Variants in ACSS1 observed in about 807,000 individuals in gnomAD.
The protein encoded by ACSS1 is acetyl-coenzyme A synthetase 2-like, mitochondrial.
A neutral mutation model predicts 75.3 loss-of-function variants in ACSS1; 42 were observed. That is an observed-to-expected ratio of 0.56 (90% confidence interval 0.44 to 0.72). The LOEUF is 0.72. Ranked by LOEUF, ACSS1 falls within the 30% of genes least tolerant of loss-of-function variation. The pLI is 0.00. For synonymous variants in ACSS1, 380 were observed against 376.8 expected (o/e 1.01, Z -0.10); for missense variants, 782 against 935.7 (o/e 0.84, Z 2.14).
rs1348955867 is a variant in ACSS1 at position 25,006,406 on chromosome 20, T to A, written c.*1356A>T. 1 of 168,156 alleles carries A rather than the reference T, an allele frequency of 5.9e-6. No individual in the cohort carries two copies. The highest frequency in any genetic ancestry group is 1.3e-5 in the Non-Finnish European group (1 of 77,218). 10.4% of individuals were successfully genotyped at this position (168,156 alleles called of 1,614,324 possible). A position where few individuals can be genotyped will look rare whatever the true frequency, so the allele number is the denominator to read the frequency against. ...CAGGGCACAGCTTTGTTGCTAAGCC[T>A]GTAACAAAAGACCACCACTCAGTAT... On this transcript the variant is annotated 3_prime_UTR_variant, in exon 14 of 14. Transcript: ENST00000323482.
chr20:25,013,299 C>T (rs2088449218), intron 10 of ACSS1, among the ~76,000 whole-genome samples: 1 of 152,196 alleles, frequency 6.6e-6, no homozygotes, highest in African/African-American at 2.4e-5. Flanking sequence ...TTCACACCCA[C>T]ACCTAAGTAG....
intron 5 of ACSS1, among the ~76,000 whole-genome samples, chr20:25,022,559 G>A (rs980466805): frequency 9.9e-5 from 15 of 152,194 alleles, no homozygotes; most frequent in African/African-American, 3.1e-4. Flanking sequence ...CTGAGAAACC[G>A]GTGGCCTTCC....
intron 1 of ACSS1, among the ~76,000 whole-genome samples, chr20:25,049,474 G>A (rs1056732561): frequency 3.3e-5 from 5 of 152,176 alleles, no homozygotes; most frequent in Non-Finnish European, 7.3e-5. Context: ...GAACACTGAG[G>A]GAAATGCCAG....
At position 25,023,105 on chromosome 20, in the gene ACSS1, A is replaced by G; in HGVS notation, c.808-13T>C. On this transcript the variant is annotated splice_polypyrimidine_tract_variant and intron_variant, in intron 4 of 13. Coordinates refer to ENST00000323482, the MANE Select transcript of ACSS1 (RefSeq NM_032501.4). ...CCTTGGCCATTTCCTGGCAGGGAGA[A>G]GAAACAAACAGCCCACCGAGGGCAC... 1.2e-6 allele frequency: 2 copies of G among 1,608,054 alleles called. No homozygotes were observed. Among genetic ancestry groups the G allele is most frequent in the Non-Finnish European group, 1.7e-6 (2 of 1,176,654 alleles).
At chr20:25,047,866 C>T (rs186251057) in intron 2 of ACSS1, among the ~76,000 whole-genome samples, 1 of 152,270 alleles carries the variant, frequency 6.6e-6, no homozygotes, top group African/African-American at 2.4e-5. Flanking sequence ...ATTGTCCCAT[C>T]CTCACAAGGC....
At chr20:25,045,950 G>A in intron 2 of ACSS1, 1 of 151,816 alleles carries the variant, frequency 6.6e-6, no homozygotes, top group Non-Finnish European at 1.5e-5. Context: ...TTTTGAGATG[G>A]AGTCTGACTC....
intron 2 of ACSS1, among the ~76,000 whole-genome samples, chr20:25,040,009 G>T (rs2088974961): frequency 6.6e-6 from 1 of 152,258 alleles, no homozygotes. Flanking sequence ...AACAGCTGGT[G>T]CCCTGGCAGA....
intron 6 of ACSS1, 43 bp from the exon 7 acceptor site, chr20:25,020,190 T>G: frequency 1.9e-6 from 3 of 1,611,978 alleles, no homozygotes; most frequent in Non-Finnish European, 2.5e-6. Flanking sequence ...AGAGCTGACA[T>G]GGTTTACTTT....
chr20:25,019,118 A>G (rs1443777173), intron 7 of ACSS1, among the ~76,000 whole-genome samples: 2 of 152,226 alleles, frequency 1.3e-5, no homozygotes, highest in Non-Finnish European at 2.9e-5. Context: ...ATGTGGCAGA[A>G]TGGGACACTC....
Position 25,015,294 on chromosome 20 carries a change from G to A in ACSS1, c.1247-64C>T. 3 of 1,440,298 alleles carry A rather than the reference G, an allele frequency of 2.1e-6. No homozygotes were observed. The South Asian group carries it at 3.7e-5, about 18-fold the overall frequency. 89.2% of individuals were successfully genotyped at this position (1,440,298 alleles called of 1,614,324 possible). ...CAAATAAACCTGAAACCAAAGGGAA[G>A]TTTTGTTTTTTGTTTTTTGTTTTTG... is the stretch of plus-strand genomic sequence containing the variant. On this transcript the variant is annotated intron_variant, in intron 7 of 13. Coordinates refer to ENST00000323482, the MANE Select transcript of ACSS1 (RefSeq NM_032501.4).
rs1047346891 is a variant in ACSS1 at position 25,023,227 on chromosome 20, A to G, written c.808-135T>C. 98 of 1,249,200 alleles carry G rather than the reference A, an allele frequency of 7.8e-5. 2 individuals are homozygous for G. The Middle Eastern group carries it at 2.4e-3, about 31-fold the overall frequency. The allele number at this position is 1,249,200 out of a possible 1,614,324, so 77.4% of individuals were successfully genotyped here. On this transcript the variant is annotated intron_variant, in intron 4 of 13. Coordinates refer to ENST00000323482, the MANE Select transcript of ACSS1 (RefSeq NM_032501.4). Reference sequence around the variant, plus strand: ...CTGACCTGTCCAAGTTCAATTCCAAATGTGGAAAGGACACAAAACAAAAGC... The same window carrying G: ...CTGACCTGTCCAAGTTCAATTCCAAGTGTGGAAAGGACACAAAACAAAAGC...
chr20:25,047,745 C>A (rs1025524444), intron 2 of ACSS1, among the ~76,000 whole-genome samples: 1 of 151,712 alleles, frequency 6.6e-6, no homozygotes, highest in Non-Finnish European at 1.5e-5. Context: ...GCAGACCGCC[C>A]AAAGCACACA....
At chr20:25,013,936 C>T (rs780183444) in intron 9 of ACSS1, 25 bp downstream of exon 9, 235 of 1,601,440 alleles carry the variant, frequency 1.5e-4, no homozygotes, top group Non-Finnish European at 1.9e-4. Context: ...CACATGACCC[C>T]CATGTGGGGG....
chr20:25,021,570 T>TC, intron 5 of ACSS1, 34 bp from the exon 6 acceptor site: 1 of 1,604,416 alleles, frequency 6.2e-7, no homozygotes, highest in East Asian at 2.2e-5. Context: ...CAGGAGCTTG[T>TC]CCCCCCACTC....
At chr20:25,020,785 C>A (rs1444342153) in intron 6 of ACSS1, among the ~76,000 whole-genome samples, 2 of 152,272 alleles carry the variant, frequency 1.3e-5, no homozygotes, top group Non-Finnish European at 2.9e-5. Flanking sequence ...TAACACAGTC[C>A]ATGCACAGTT....
intron 2 of ACSS1, among the ~76,000 whole-genome samples, chr20:25,035,395 C>T (rs6050264): frequency 0.011 from 1,601 of 151,410 alleles, 28 homozygotes; most frequent in African/African-American, 0.036. Flanking sequence ...AATTTCTCCC[C>T]ATCTTTCCAG....
In ACSS1 at chr20:25,021,387, A is replaced by G. The variant is rs982095036; in HGVS notation, c.1108+2T>C. The G allele has an allele frequency of 5.6e-6, 9 of 1,613,674 alleles. No homozygotes were observed. The African/African-American group carries it at 1.2e-4, about 22-fold the overall frequency. On this transcript the variant is annotated splice_donor_variant, in intron 6 of 13. Transcript: ENST00000323482. LOFTEE classifies it high-confidence loss of function. ...GTCCCAAACAGGGTTCACCATCCTT[A>G]CCAGCATTGGGATAAACTGGGGTGC...
chr20:25,046,177 T>C (rs2089086246), intron 2 of ACSS1: 1 of 152,350 alleles, frequency 6.6e-6, no homozygotes. Flanking sequence ...CCACCCACCG[T>C]CCTCAAGTGA....
intron 3 of ACSS1, among the ~76,000 whole-genome samples, chr20:25,024,305 G>T (rs1334948039): frequency 1.3e-5 from 2 of 152,214 alleles, no homozygotes; most frequent in South Asian, 2.1e-4. Flanking sequence ...CTAGGGGTAG[G>T]CCCAGAGCAG....
Sources: allele counts gnomAD v4.1 joint callset (sites outside exome capture counted in the v4.1 genomes callset), GRCh38; gene constraint gnomAD v4.1.1; transcripts MANE v1.5; gene names NCBI Gene and HGNC (gene_info 2026-07-23, HGNC 2026-07-21).